Variants in ADD3 observed in about 807,000 individuals in gnomAD.
ADD3 encodes gamma-adducin.
ADD3 carries 25 observed loss-of-function variants against 80.2 expected under a neutral mutation model. The observed-to-expected ratio is 0.31, with a 90% CI of 0.23 to 0.44. ADD3 has a LOEUF of 0.44. Among genes scored for constraint, ADD3 ranks in the 20% least tolerant of loss-of-function variants. The pLI is 1.00. For synonymous variants in ADD3, 284 were observed against 289.6 expected (o/e 0.98, Z 0.20); for missense variants, 829 against 847.5 (o/e 0.98, Z 0.27).
At chr10:110,022,517 A>G (rs1350401000) in intron 1 of ADD3, among the ~76,000 whole-genome samples, 1 of 152,170 alleles carries the variant, frequency 6.6e-6, no homozygotes, top group African/African-American at 2.4e-5. Flanking sequence ...TTTCAAATAT[A>G]TATATTTATG....
chr10:110,012,899 A>G (rs971025404), intron 1 of ADD3, among the ~76,000 whole-genome samples: 3 of 151,936 alleles, frequency 2.0e-5, no homozygotes, highest in Non-Finnish European at 4.4e-5. Context: ...GGCCTGGTTT[A>G]TATCTTTAAG....
At position 110,119,336 on chromosome 10, in the gene ADD3, T is replaced by G; in HGVS notation, c.843T>G (p.Val281=). The change falls in exon 7 of 15, where the codon GTT becomes GTG. Residue 281 remains valine (V), a synonymous_variant. Coordinates refer to ENST00000356080, the MANE Select transcript of ADD3 (RefSeq NM_016824.5). ...AGGAGAGAATTCAACTGCAGAAGGT[T>G]CTGGGACCAAGTTGTAAGGTATGTA... ...EQEERIQLQK[V]LGPSCKVLVL... 1 of 1,614,130 alleles carries G rather than the reference T, an allele frequency of 6.2e-7. No homozygotes were observed. Among genetic ancestry groups the G allele is most frequent in the Non-Finnish European group, 8.5e-7 (1 of 1,179,996 alleles).
chr10:110,122,635 CTTT>C (rs1251037048), intron 9 of ADD3, among the ~76,000 whole-genome samples: 1 of 133,824 alleles, frequency 7.5e-6, no homozygotes, highest in Non-Finnish European at 1.6e-5. Flanking sequence ...ATGAGTTCAA[CTTT>C]TTTTTTTTTC....
chr10:110,089,965 A>G (rs929103341), intron 1 of ADD3, among the ~76,000 whole-genome samples: 3 of 152,076 alleles, frequency 2.0e-5, no homozygotes, highest in Admixed American at 6.6e-5. Flanking sequence ...TTACCAGTGA[A>G]TGTTATTTTC....
intron 1 of ADD3, among the ~76,000 whole-genome samples, chr10:110,045,014 T>G (rs138471753): frequency 6.6e-6 from 1 of 152,352 alleles, no homozygotes; most frequent in East Asian, 1.9e-4. Flanking sequence ...GGGGGACTAG[T>G]TGGTTACTTA....
At chr10:110,008,843 C>T (rs1851976905) in intron 1 of ADD3, among the ~76,000 whole-genome samples, 2 of 152,112 alleles carry the variant, frequency 1.3e-5, no homozygotes, top group Non-Finnish European at 2.9e-5. Flanking sequence ...CGCTTCCCCA[C>T]CCCCCAACAC....
At chr10:110,047,495 C>T (rs537164105) in intron 1 of ADD3, among the ~76,000 whole-genome samples, 10 of 152,266 alleles carry the variant, frequency 6.6e-5, no homozygotes, top group South Asian at 4.1e-4. Flanking sequence ...TCCCATTCCA[C>T]GTCTTCTAAA....
intron 9 of ADD3, 142 bp downstream of exon 9, chr10:110,122,434 C>G (rs1851622776): frequency 4.4e-6 from 3 of 684,370 alleles, no homozygotes; most frequent in Non-Finnish European, 7.3e-6. Flanking sequence ...TATTTAACCA[C>G]ACCTTTGAGA....
rs566980206 is a variant in ADD3 at position 110,119,144 on chromosome 10, A to G, written c.718-67A>G. 4.5e-5 allele frequency: 71 copies of G among 1,567,152 alleles called. No individual in the cohort carries two copies. In the African/African-American group the frequency reaches 8.5e-4, roughly 19 times the overall value. ...AGTGTTTTCCTGAGCTGACCAAACA[A>G]TCAGGTTCCTATGAAAATGTATTTA... is the stretch of plus-strand genomic sequence containing the variant. On this transcript the variant is annotated intron_variant, in intron 6 of 14. Coordinates refer to ENST00000356080, the MANE Select transcript of ADD3 (RefSeq NM_016824.5).
At chr10:110,125,667 A>G (rs1852057178) in intron 10 of ADD3, 159 bp from the exon 11 acceptor site, 2 of 422,138 alleles carry the variant, frequency 4.7e-6, no homozygotes, top group Middle Eastern at 6.3e-4. Flanking sequence ...AGCCTTTTCT[A>G]ACTAGTATGA....
chr10:110,026,790 T>TA (rs1182859472), intron 1 of ADD3, among the ~76,000 whole-genome samples: 2 of 151,696 alleles, frequency 1.3e-5, no homozygotes, highest in African/African-American at 4.8e-5. Context: ...TTTTTTTTTT[T>TA]AACTTCTGGT....
chr10:110,100,947 G>A (rs1185666393), intron 2 of ADD3, 99 bp downstream of exon 2: 1 of 1,130,656 alleles, frequency 8.8e-7, no homozygotes, highest in East Asian at 2.8e-5. Context: ...TAAAAGAGGG[G>A]TGGAGGAGGA....
intron 4 of ADD3, 114 bp downstream of exon 4, chr10:110,116,524 A>G (rs1850749530): frequency 1.9e-6 from 2 of 1,055,328 alleles, no homozygotes; most frequent in Non-Finnish European, 2.7e-6. Context: ...TAAACCTAGT[A>G]TGCTAGATCA....
rs1433581288 is a variant in ADD3 at position 110,122,169 on chromosome 10, G to A, written c.1020G>A (p.Lys340=). The A allele has an allele frequency of 3.1e-6, 5 of 1,614,072 alleles. No homozygotes were observed. In the African/African-American group the frequency reaches 4.0e-5, roughly 13 times the overall value. The change falls in exon 9 of 15, where the codon AAG becomes AAA. Residue 340 remains lysine, a synonymous_variant. Transcript: ENST00000356080. The stretch of plus-strand genomic sequence containing the variant: ...ATCTCCATGTACTGGACTTTCAGAA[G>A]TATAAAGCTTTCACTTACACTGTAG... The part of the protein sequence containing the change: ...VDNLHVLDFQ[K]YKAFTYTVAA...
At chr10:110,021,366 A>G (rs528755516) in intron 1 of ADD3, among the ~76,000 whole-genome samples, 1 of 152,358 alleles carries the variant, frequency 6.6e-6, no homozygotes, top group Non-Finnish European at 1.5e-5. Flanking sequence ...TCTCATAGGT[A>G]TATACCCAAG....
At chr10:110,046,442 G>A (rs536332424) in intron 1 of ADD3, among the ~76,000 whole-genome samples, 11 of 148,180 alleles carry the variant, frequency 7.4e-5, no homozygotes, top group African/African-American at 2.5e-4. Flanking sequence ...TTTTGACTGC[G>A]TCAGAGGCTG....
At chr10:110,091,409 A>T (rs1323897141) in intron 1 of ADD3, among the ~76,000 whole-genome samples, 1 of 152,250 alleles carries the variant, frequency 6.6e-6, no homozygotes, top group African/African-American at 2.4e-5. Context: ...TAACTAAAAC[A>T]GCCTGGTACT....
intron 1 of ADD3, among the ~76,000 whole-genome samples, chr10:110,040,964 G>GTCTCTC (rs66979569): frequency 2.5e-4 from 37 of 149,504 alleles, no homozygotes; most frequent in African/African-American, 9.3e-4. Flanking sequence ...GTCTCTCTCT[G>GTCTCTC]TCTCTCTCTC....
chr10:110,056,235 A>G (rs897931053), intron 1 of ADD3, among the ~76,000 whole-genome samples: 89 of 152,334 alleles, frequency 5.8e-4, no homozygotes, highest in African/African-American at 2.1e-3. Flanking sequence ...TCAAATGTAT[A>G]TAATCTTTAG....
Sources: allele counts gnomAD v4.1 joint callset (sites outside exome capture counted in the v4.1 genomes callset), GRCh38; gene constraint gnomAD v4.1.1; transcripts MANE v1.5; gene names NCBI Gene and HGNC (gene_info 2026-07-23, HGNC 2026-07-21).